The following IFT122 variants were observed in gnomAD, a reference collection of about 807,000 sequenced individuals.
The protein encoded by IFT122 is intraflagellar transport 122, also known as intraflagellar transport protein 122 homolog.
In IFT122, 118 loss-of-function variants were observed where a neutral mutation model predicts 161.6. That is an observed-to-expected ratio of 0.73 (90% CI 0.63 to 0.85). The LOEUF (loss-of-function observed/expected upper bound fraction) is 0.85. IFT122 is among the 40% of genes least tolerant of loss of function. The probability of loss-of-function intolerance (pLI) is 0.00; values close to 1 mark genes in which losing one functional copy is unlikely to be tolerated. For missense variants in IFT122, 1,381 were observed against 1,579.6 expected, an observed-to-expected ratio of 0.87 and a Z score of 2.13; for synonymous variants, 550 against 602.4, an observed-to-expected ratio of 0.91 and a Z score of 1.27.
chr3:129,455,898 T>TGAGGAGGAGGAG (rs57434974), intron 3 of IFT122, among the ~76,000 whole-genome samples: 3 of 150,618 alleles, frequency 2.0e-5, no homozygotes, highest in Non-Finnish European at 4.4e-5. Flanking sequence ...TTGAATAGGC[T>TGAGGAGGAGGAG]GAGGAGGAGG....
At chr3:129,489,895 C>G (rs533241352) in intron 16 of IFT122, among the ~76,000 whole-genome samples, 2 of 151,032 alleles carry the variant, frequency 1.3e-5, no homozygotes, top group East Asian at 3.9e-4. Flanking sequence ...ATGGAGGGAG[C>G]TTCCCTCTCC....
At chr3:129,485,991 A>T (rs1488458033) in intron 15 of IFT122, among the ~76,000 whole-genome samples, 1 of 152,254 alleles carries the variant, frequency 6.6e-6, no homozygotes, top group African/African-American at 2.4e-5. Context: ...CTTGTGCAAG[A>T]ACTGGTTTGT....
At chr3:129,461,190 G>A in intron 4 of IFT122, 38 bp from the exon 5 acceptor site, 1 of 1,515,588 alleles carries the variant, frequency 6.6e-7, no homozygotes, top group East Asian at 2.3e-5. Context: ...AATCTTTGTG[G>A]TTTGCTGCAT....
chr3:129,474,612 G>A (rs2077706924), intron 9 of IFT122, among the ~76,000 whole-genome samples: 1 of 151,924 alleles, frequency 6.6e-6, no homozygotes, highest in South Asian at 2.1e-4. Flanking sequence ...TTCCTGGCTG[G>A]GTCTAGGAAT....
chr3:129,512,331 A>C lies in IFT122; in HGVS notation c.2906A>C (p.His969Pro). The change falls in exon 24 of 30, where the codon CAT becomes CCT. Residue 969 changes from histidine to proline, a missense_variant. Transcript: ENST00000348417. ...CTGCAGGAAGATCCGTTCAGTGTCC[A>C]TCGTCCTGAAACTCTTTTCAACATC... is the stretch of plus-strand genomic sequence containing the variant. ...HRHTEDPFSV[H>P]RPETLFNISR... 3.7e-6 allele frequency: 6 copies of C among 1,613,926 alleles called. No individual in the cohort carries two copies. The highest frequency in any genetic ancestry group is 5.1e-6 in the Non-Finnish European group (6 of 1,179,774).
chr3:129,461,064 C>T lies in IFT122; in HGVS notation c.273-164C>T. On this transcript the variant is annotated intron_variant, in intron 4 of 29. Coordinates refer to ENST00000348417, the MANE Select transcript of IFT122 (RefSeq NM_052989.3). ...TGGGTGAGGAGAAGGAGAATTAATT[C>T]TTTAGGAGTAGGAGAATTAATTTCT... 3.1e-6 allele frequency: 3 copies of T among 961,688 alleles called. No homozygotes were observed. The South Asian group carries it at 4.0e-5, about 13-fold the overall frequency. The allele number at this position is 961,688 out of a possible 1,614,324, so 59.6% of individuals were successfully genotyped here. A position where few individuals can be genotyped will look rare whatever the true frequency, so the allele number is the denominator to read the frequency against.
At chr3:129,444,586 A>G (rs1028919505) in intron 1 of IFT122, among the ~76,000 whole-genome samples, 21 of 151,982 alleles carry the variant, frequency 1.4e-4, no homozygotes, top group Admixed American at 7.9e-4. Flanking sequence ...CAGTGGCGCA[A>G]TCTCGGCTCA....
intron 5 of IFT122, 49 bp downstream of exon 5, chr3:129,461,353 G>T (rs755817998): frequency 1.6e-5 from 21 of 1,311,098 alleles, no homozygotes; most frequent in Non-Finnish European, 2.2e-5. Context: ...GAAAATCTGG[G>T]CTAAAAATGC....
At chr3:129,461,086 T>C in intron 4 of IFT122, 142 bp from the exon 5 acceptor site, 1 of 939,780 alleles carries the variant, frequency 1.1e-6, no homozygotes, top group African/African-American at 1.6e-5. Flanking sequence ...GAGAATTAAT[T>C]TCTGTGCTTT....
intron 15 of IFT122, among the ~76,000 whole-genome samples, chr3:129,486,817 T>C (rs1482669391): frequency 6.6e-6 from 1 of 152,124 alleles, no homozygotes; most frequent in African/African-American, 2.4e-5. Context: ...TAAACAGAAG[T>C]TAATGGATTT....
rs566358347 is a variant in IFT122 at position 129,488,921 on chromosome 3, T to C, written c.1992+524T>C. ...CCACGTACCTTCATGGCGGGATTCA[T>C]GGACTTGATTCGTTGTGTCCTTTCC... On this transcript the variant is annotated intron_variant, in intron 16 of 29. Transcript: ENST00000348417. 2.6e-5 allele frequency among the ~76,000 whole-genome samples: 4 copies of C among 152,244 alleles called. No homozygotes were observed. The East Asian group carries it at 7.7e-4, about 29-fold the overall frequency.
intron 6 of IFT122, among the ~76,000 whole-genome samples, chr3:129,464,382 T>G (rs567421594): frequency 1.3e-5 from 2 of 152,280 alleles, no homozygotes; most frequent in East Asian, 3.9e-4. Flanking sequence ...CATAGAGGTA[T>G]GTACAGAGGG....
intron 6 of IFT122, 71 bp from the exon 7 acceptor site, chr3:129,464,564 C>T: frequency 1.3e-6 from 2 of 1,581,892 alleles, no homozygotes; most frequent in Non-Finnish European, 1.7e-6. Context: ...ACCAAGGCAT[C>T]ATCCTCACTA....
chr3:129,492,308 G>A (rs765902102), intron 17 of IFT122, 114 bp downstream of exon 17: 70 of 877,966 alleles, frequency 8.0e-5, no homozygotes, highest in Middle Eastern at 2.2e-4. Context: ...GCTCACTGGC[G>A]TCTGGGCATC....
chr3:129,507,124 C>T lies in IFT122; in HGVS notation c.2792-544C>T, dbSNP rs3733145. 0.031 allele frequency among the ~76,000 whole-genome samples: 4,794 copies of T among 152,282 alleles called. 617 individuals are homozygous for T. The East Asian group carries it at 0.41, about 13-fold the overall frequency. On this transcript the variant is annotated intron_variant, in intron 22 of 29. Coordinates refer to ENST00000348417, the MANE Select transcript of IFT122 (RefSeq NM_052989.3). Reference sequence around the variant, plus strand: ...CAATCCTTCCTGAGCTCTGCATGCCCATCTGTCCTGTGGGAGTCCCTTGTC... The same window carrying T: ...CAATCCTTCCTGAGCTCTGCATGCCTATCTGTCCTGTGGGAGTCCCTTGTC...
intron 2 of IFT122, among the ~76,000 whole-genome samples, chr3:129,450,652 C>T (rs1353801153): frequency 1.3e-5 from 2 of 151,200 alleles, no homozygotes; most frequent in East Asian, 1.9e-4. Context: ...GTTATCTTTT[C>T]CAATACTCTA....
At chr3:129,452,091 G>T (rs1396948655) in intron 3 of IFT122, 93 bp downstream of exon 3, 1 of 988,534 alleles carries the variant, frequency 1.0e-6, no homozygotes, top group East Asian at 2.5e-5. Flanking sequence ...CTAGTAAGCT[G>T]GAGTACAAGT....
At chr3:129,490,773 G>T (rs2079985375) in intron 16 of IFT122, among the ~76,000 whole-genome samples, 1 of 152,226 alleles carries the variant, frequency 6.6e-6, no homozygotes, top group Non-Finnish European at 1.5e-5. Context: ...GATCTAGAGG[G>T]TGATGTGTAA....
chr3:129,497,038 T>C (rs1559964239), intron 18 of IFT122, among the ~76,000 whole-genome samples: 1 of 152,138 alleles, frequency 6.6e-6, no homozygotes, highest in Non-Finnish European at 1.5e-5. Flanking sequence ...ACTAGCACTT[T>C]GGGAGGCTGA....
Sources: gnomAD v4.1 joint callset for allele counts (sites outside exome capture counted in the v4.1 genomes callset) on GRCh38, gnomAD v4.1.1 for gene constraint, MANE v1.5 for transcripts, NCBI Gene and HGNC (gene_info 2026-07-23, HGNC 2026-07-21) for gene names.